Variants in LARGE1 observed in about 807,000 individuals in gnomAD.
LARGE1 encodes the protein xylosyl- and glucuronyltransferase LARGE1.
A neutral mutation model predicts 87.6 loss-of-function variants in LARGE1; 43 were observed. The ratio of observed to expected loss-of-function variants is 0.49; its 90% confidence interval spans 0.38 to 0.63. The LOEUF is 0.63. Ranked by LOEUF, LARGE1 falls within the 30% of genes least tolerant of loss-of-function variation. The pLI, the probability that LARGE1 is intolerant of heterozygous loss-of-function variation, is 0.00. For synonymous variants in LARGE1, 434 were observed against 394.6 expected, an observed-to-expected ratio of 1.10 and a Z score of -1.18; for missense variants, 802 against 1,000.2, an observed-to-expected ratio of 0.80 and a Z score of 2.67.
At chr22:33,282,754 C>G (rs1930698806) in intron 13 of LARGE1, among the ~76,000 whole-genome samples, 1 of 152,196 alleles carries the variant, frequency 6.6e-6, no homozygotes, top group Admixed American at 6.5e-5. Flanking sequence ...GCTCAAAGAA[C>G]AGACCACTCA....
intron 12 of LARGE1, among the ~76,000 whole-genome samples, chr22:33,286,516 A>G (rs1170697024): frequency 6.6e-6 from 1 of 152,184 alleles, no homozygotes; most frequent in African/African-American, 2.4e-5. Context: ...GCACTTGAAG[A>G]TACAGGGTGA....
At chr22:33,432,595 T>TCACG (rs1555916107) in intron 6 of LARGE1, among the ~76,000 whole-genome samples, 93 of 147,236 alleles carry the variant, frequency 6.3e-4, no homozygotes, top group African/African-American at 2.3e-3. Context: ...ATTCATTCAT[T>TCACG]CATGCATGCA....
intron 9 of LARGE1, among the ~76,000 whole-genome samples, chr22:33,360,246 G>C (rs1056045986): frequency 6.0e-5 from 9 of 149,410 alleles, no homozygotes; most frequent in African/African-American, 2.2e-4. Context: ...CTGGGAGGTG[G>C]AGGTTGCAGT....
chr22:33,185,022 T>C (rs750564347), intron 11 of LARGE1, among the ~76,000 whole-genome samples: 1 of 152,174 alleles, frequency 6.6e-6, no homozygotes, highest in Non-Finnish European at 1.5e-5. Flanking sequence ...AAACATAATT[T>C]AGTGTATGAT....
intron 2 of LARGE1, among the ~76,000 whole-genome samples, chr22:33,709,846 C>CA (rs1269808518): frequency 4.6e-5 from 7 of 151,848 alleles, no homozygotes; most frequent in Admixed American, 2.0e-4. Context: ...AGGCTGGTCT[C>CA]AAACTCCTGA....
At chr22:33,727,496 T>C (rs767573295) in intron 2 of LARGE1, 1 of 152,198 alleles carries the variant, frequency 6.6e-6, no homozygotes, top group Non-Finnish European at 1.5e-5. Flanking sequence ...TACAGCAATG[T>C]CAGTGAAGAT....
chr22:33,088,818 T>G, the LARGE1 span, among the ~76,000 whole-genome samples: 1 of 152,228 alleles, frequency 6.6e-6, no homozygotes. Context: ...TTGAGCACAT[T>G]AACTTGCCAT....
chr22:33,609,903 AAG>A (rs2079379659), intron 4 of LARGE1, among the ~76,000 whole-genome samples: 1 of 151,886 alleles, frequency 6.6e-6, no homozygotes, highest in Non-Finnish European at 1.5e-5. Flanking sequence ...TTAAGAAAAA[AAG>A]AGTTTCTCTT....
At chr22:33,724,733 G>A (rs996784301) in intron 2 of LARGE1, 4 of 151,972 alleles carry the variant, frequency 2.6e-5, no homozygotes, top group Non-Finnish European at 5.9e-5. Flanking sequence ...TCATTCATTC[G>A]GCAATTATTA....
intron 5 of LARGE1, among the ~76,000 whole-genome samples, chr22:33,585,319 G>C (rs1383927593): frequency 1.3e-5 from 2 of 152,088 alleles, no homozygotes; most frequent in Non-Finnish European, 2.9e-5. Context: ...TGAGAAGGCT[G>C]AAAACACACA....
chr22:33,411,506 C>A (rs778686776), intron 7 of LARGE1, among the ~76,000 whole-genome samples: 3 of 152,214 alleles, frequency 2.0e-5, no homozygotes, highest in Non-Finnish European at 2.9e-5. Context: ...ATGCACACAT[C>A]TGTTTAATTT....
intron 1 of LARGE1, among the ~76,000 whole-genome samples, chr22:33,803,176 A>G (rs1439183244): frequency 1.3e-5 from 2 of 152,136 alleles, no homozygotes; most frequent in Non-Finnish European, 2.9e-5. Context: ...CTACTATTAC[A>G]TTATGGAATT....
intron 1 of LARGE1, among the ~76,000 whole-genome samples, chr22:33,853,744 G>A (rs185878288): frequency 3.3e-5 from 5 of 152,352 alleles, no homozygotes; most frequent in African/African-American, 9.6e-5. Context: ...GCCAGAGCAC[G>A]TCCACAAGGA....
chr22:33,250,565 G>C (rs1926967775), intron 11 of LARGE1, among the ~76,000 whole-genome samples: 1 of 152,180 alleles, frequency 6.6e-6, no homozygotes, highest in Admixed American at 6.5e-5. Context: ...CTGAAAAGTA[G>C]TACAGGAGAT....
intron 2 of LARGE1, among the ~76,000 whole-genome samples, chr22:33,667,515 G>A (rs1288922877): frequency 6.6e-6 from 1 of 152,190 alleles, no homozygotes; most frequent in Non-Finnish European, 1.5e-5. Context: ...GTCAGCTGTA[G>A]GCACTACAGC....
chr22:33,667,150 T>A (rs752862523), intron 2 of LARGE1, among the ~76,000 whole-genome samples: 34 of 152,236 alleles, frequency 2.2e-4, no homozygotes, highest in Non-Finnish European at 4.0e-4. Context: ...CCCTCGCATA[T>A]ACACACACCT....
chr22:33,267,422 C>G (rs574183251), intron 11 of LARGE1, among the ~76,000 whole-genome samples: 1 of 151,714 alleles, frequency 6.6e-6, no homozygotes, highest in Non-Finnish European at 1.5e-5. Context: ...GACAGGATTA[C>G]ATCAAAGTCT....
chr22:33,196,160 G>A (rs918442642), intron 11 of LARGE1, among the ~76,000 whole-genome samples: 11 of 148,640 alleles, frequency 7.4e-5, no homozygotes, highest in African/African-American at 1.7e-4. Context: ...GATAAAAACC[G>A]GTATCAACAA....
intron 11 of LARGE1, among the ~76,000 whole-genome samples, chr22:33,260,867 T>C (rs1602163406): frequency 6.6e-6 from 1 of 152,198 alleles, no homozygotes; most frequent in South Asian, 2.1e-4. Flanking sequence ...ATGAACTGCT[T>C]GGACCCAGCA....
Sources: allele counts gnomAD v4.1 joint callset (sites outside exome capture counted in the v4.1 genomes callset), GRCh38; gene constraint gnomAD v4.1.1; transcripts MANE v1.5; gene names NCBI Gene and HGNC (gene_info 2026-07-23, HGNC 2026-07-21).